ARPC2: variants seen among roughly 807,000 people sequenced by gnomAD.
ARPC2 encodes the protein actin related protein 2/3 complex subunit 2.
ARPC2 carries 4 observed loss-of-function variants against 38.6 expected under a neutral mutation model. The observed-to-expected ratio is 0.10, with a 90% CI of 0.05 to 0.24. The LOEUF (loss-of-function observed/expected upper bound fraction) is 0.24, where lower values mean the gene tolerates loss of function less well. Ranked by LOEUF, ARPC2 falls within the 10% of genes least tolerant of loss-of-function variation. The pLI, the probability that ARPC2 is intolerant of heterozygous loss-of-function variation, is 1.00. For missense variants in ARPC2, 229 were observed against 387.3 expected, an observed-to-expected ratio of 0.59 and a Z score of 3.43; for synonymous variants, 125 against 140.8, an observed-to-expected ratio of 0.89 and a Z score of 0.79.
At chr2:218,252,674 A>G (rs1690220677) in intron 10 of ARPC2, among the ~76,000 whole-genome samples, 1 of 152,160 alleles carries the variant, frequency 6.6e-6, no homozygotes, top group South Asian at 2.1e-4. Context: ...GGGCATCATA[A>G]TAGTCTCAGG....
intron 2 of ARPC2, among the ~76,000 whole-genome samples, chr2:218,224,357 A>G (rs1364517882): frequency 7.2e-5 from 11 of 152,210 alleles, no homozygotes; most frequent in Admixed American, 3.9e-4. Flanking sequence ...AAGTGATGTA[A>G]TAATGGGCTT....
intron 10 of ARPC2, among the ~76,000 whole-genome samples, chr2:218,250,241 G>A (rs1020658711): frequency 1.3e-5 from 2 of 152,220 alleles, no homozygotes; most frequent in Non-Finnish European, 2.9e-5. Context: ...GAGAGATGGA[G>A]TAAGTTGCTT....
chr2:218,244,444 T>A (rs1259581531), intron 7 of ARPC2, among the ~76,000 whole-genome samples: 1 of 152,260 alleles, frequency 6.6e-6, no homozygotes, highest in Non-Finnish European at 1.5e-5. Flanking sequence ...AAGCACTTGC[T>A]TTCTCTCAGC....
chr2:218,248,860 C>G (rs895631003), intron 8 of ARPC2, among the ~76,000 whole-genome samples: 3 of 152,208 alleles, frequency 2.0e-5, no homozygotes, highest in African/African-American at 4.8e-5. Context: ...GGTTCAGGTC[C>G]TTACACCTTA....
chr2:218,236,229 A>G (rs1689766155), intron 5 of ARPC2: 1 of 152,142 alleles, frequency 6.6e-6, no homozygotes, highest in African/African-American at 2.4e-5. Flanking sequence ...TCATGTTAGA[A>G]GCCTTACTTA....
intron 5 of ARPC2, chr2:218,234,770 T>C (rs1229629050): frequency 2.1e-6 from 1 of 467,370 alleles, no homozygotes; most frequent in African/African-American, 2.0e-5. Flanking sequence ...ATACTACATA[T>C]TTGGAGAAAG....
intron 2 of ARPC2, among the ~76,000 whole-genome samples, chr2:218,222,586 G>T (rs1263227672): frequency 6.6e-6 from 1 of 152,156 alleles, no homozygotes; most frequent in Admixed American, 6.6e-5. Context: ...GACACTTATA[G>T]GAGTTCTGTT....
intron 10 of ARPC2, 45 bp from the exon 11 acceptor site, chr2:218,253,846 A>C (rs750754615): frequency 9.9e-6 from 16 of 1,609,252 alleles, no homozygotes; most frequent in Non-Finnish European, 1.4e-5. Flanking sequence ...GTGGGAGGAA[A>C]GGGCAGCCAG....
intron 2 of ARPC2, among the ~76,000 whole-genome samples, chr2:218,224,893 C>G (rs9288536): frequency 0.96 from 146,622 of 152,320 alleles, 70,792 homozygotes; most frequent in East Asian, 1. Context: ...ACTTAGTCTT[C>G]GTTTCTTTCG....
intron 2 of ARPC2, among the ~76,000 whole-genome samples, chr2:218,220,563 G>T (rs1277234533): frequency 6.6e-6 from 1 of 151,430 alleles, no homozygotes; most frequent in East Asian, 1.9e-4. Context: ...TAGTTCTGTG[G>T]CATATACTTC....
chr2:218,220,743 C>CGTG (rs10633360), intron 2 of ARPC2, among the ~76,000 whole-genome samples: 2 of 152,284 alleles, frequency 1.3e-5, no homozygotes, highest in East Asian at 1.9e-4. Context: ...TACATTTGAT[C>CGTG]ATAACCTTTT....
At chr2:218,249,986 C>T (rs969710103) in intron 10 of ARPC2, 65 bp downstream of exon 10, 6 of 1,377,008 alleles carry the variant, frequency 4.4e-6, no homozygotes, top group East Asian at 2.5e-5. Flanking sequence ...AAGCAGTGGG[C>T]GCTGGTGGCC....
intron 7 of ARPC2, among the ~76,000 whole-genome samples, chr2:218,241,073 C>A (rs539988936): frequency 6.6e-6 from 1 of 152,296 alleles, no homozygotes; most frequent in East Asian, 1.9e-4. Context: ...GCTCAGCATT[C>A]AAAATCTAGT....
chr2:218,222,303 G>T (rs531468525), intron 2 of ARPC2, among the ~76,000 whole-genome samples: 1 of 152,144 alleles, frequency 6.6e-6, no homozygotes, highest in South Asian at 2.1e-4. Flanking sequence ...GGATCCTAGG[G>T]TGCATTCAGG....
chr2:218,236,111 G>T (rs561205662), intron 5 of ARPC2: 1 of 150,406 alleles, frequency 6.6e-6, no homozygotes, highest in Non-Finnish European at 1.5e-5. Context: ...AAAAAAGACC[G>T]TAGAGTCTCT....
chr2:218,220,712 G>A (rs1412599582), intron 2 of ARPC2, among the ~76,000 whole-genome samples: 1 of 140,628 alleles, frequency 7.1e-6, no homozygotes, highest in African/African-American at 2.7e-5. Context: ...AAGCAGTGTT[G>A]TCATCTAAAC....
At chr2:218,249,725 T>C in intron 9 of ARPC2, 96 bp from the exon 10 acceptor site, 1 of 1,234,166 alleles carries the variant, frequency 8.1e-7, no homozygotes, top group Non-Finnish European at 1.1e-6. Context: ...AGGGTGTATG[T>C]TCCCAACCGC....
Position 218,231,652 on chromosome 2 carries a change from G to T in ARPC2, c.223-2700G>T, listed in dbSNP as rs116248247. On this transcript the variant is annotated intron_variant, in intron 4 of 10. Coordinates refer to ENST00000315717, the MANE Select transcript of ARPC2 (RefSeq NM_152862.3). Reference sequence around the variant, plus strand: ...GAGCCCCTCCTCTCAATTCCTCTTCGGTAAAAGAAATACCTCACAGTGGCT... The same window carrying T: ...GAGCCCCTCCTCTCAATTCCTCTTCTGTAAAAGAAATACCTCACAGTGGCT... Among the ~76,000 whole-genome samples the T allele has an allele frequency of 9.7e-3, 1,477 of 152,038 alleles. 27 individuals carry two copies. Among genetic ancestry groups the T allele is most frequent in the African/African-American group, 0.034 (1,424 of 41,434 alleles).
intron 2 of ARPC2, among the ~76,000 whole-genome samples, chr2:218,219,257 T>C (rs184921496): frequency 6.6e-6 from 1 of 152,376 alleles, no homozygotes; most frequent in East Asian, 1.9e-4. Context: ...TTCAGTTCTT[T>C]CTTTTTCTTT....
Sources: allele counts gnomAD v4.1 joint callset (sites outside exome capture counted in the v4.1 genomes callset), GRCh38; gene constraint gnomAD v4.1.1; transcripts MANE v1.5; gene names NCBI Gene and HGNC (gene_info 2026-07-23, HGNC 2026-07-21).